The following STK39 variants were observed in gnomAD, a reference collection of about 807,000 sequenced individuals.
STK39 encodes serine/threonine kinase 39, also known as STE20/SPS1-related proline-alanine-rich protein kinase.
In STK39, 20 loss-of-function variants were observed where a neutral mutation model predicts 77.8. That is an observed-to-expected ratio of 0.26 (90% CI 0.18 to 0.37). STK39 has a LOEUF of 0.37. Among genes scored for constraint, STK39 ranks in the 10% least tolerant of loss-of-function variants. The pLI, the probability that STK39 is intolerant of heterozygous loss-of-function variation, is 1.00. For synonymous variants in STK39, 246 were observed against 234.1 expected (o/e 1.05, Z -0.47); for missense variants, 479 against 656.5 (o/e 0.73, Z 2.95).
At chr2:168,095,719 T>C (rs11675461) in intron 10 of STK39, among the ~76,000 whole-genome samples, 148,049 of 150,528 alleles carry the variant, frequency 0.98, 72,837 homozygotes, top group Middle Eastern at 1. Flanking sequence ...CTCCGCCTCC[T>C]GGGTTCACGC....
At chr2:168,028,128 C>T (rs1193800792) in intron 14 of STK39, among the ~76,000 whole-genome samples, 2 of 152,162 alleles carry the variant, frequency 1.3e-5, no homozygotes, top group African/African-American at 2.4e-5. Flanking sequence ...ACCTAAACAA[C>T]CATGGTGGAC....
intron 14 of STK39, among the ~76,000 whole-genome samples, chr2:168,017,537 AT>A (rs1237627793): frequency 3.3e-5 from 5 of 151,716 alleles, no homozygotes; most frequent in Admixed American, 1.3e-4. Context: ...TGTCCGGCTA[AT>A]TTTTTGTATT....
chr2:167,970,779 T>C (rs1292537015), intron 16 of STK39, among the ~76,000 whole-genome samples: 1 of 152,238 alleles, frequency 6.6e-6, no homozygotes, highest in Middle Eastern at 3.2e-3. Flanking sequence ...CAACCAGTCA[T>C]ACACTGCTGA....
chr2:167,991,764 C>T (rs889166705), intron 16 of STK39, among the ~76,000 whole-genome samples: 30 of 152,270 alleles, frequency 2.0e-4, no homozygotes, highest in African/African-American at 6.7e-4. Flanking sequence ...ATGACTTCCC[C>T]TCCCTTAGAG....
chr2:167,970,968 T>G (rs6730927), intron 16 of STK39, among the ~76,000 whole-genome samples: 1 of 151,810 alleles, frequency 6.6e-6, no homozygotes, highest in African/African-American at 2.4e-5. Flanking sequence ...GCCCAATTTG[T>G]GAATCATTCA....
At chr2:168,060,035 G>A (rs767486309) in intron 14 of STK39, among the ~76,000 whole-genome samples, 6 of 151,928 alleles carry the variant, frequency 3.9e-5, no homozygotes, top group African/African-American at 7.3e-5. Context: ...TACCATTTTC[G>A]TTTACTTTAG....
At chr2:168,138,564 G>C (rs1687897382) in intron 7 of STK39, among the ~76,000 whole-genome samples, 1 of 152,208 alleles carries the variant, frequency 6.6e-6, no homozygotes, top group South Asian at 2.1e-4. Flanking sequence ...TGGAGGAGAA[G>C]AGAGAGGGCC....
chr2:168,043,798 T>C (rs1299466691), intron 14 of STK39, among the ~76,000 whole-genome samples: 2 of 152,232 alleles, frequency 1.3e-5, no homozygotes, highest in Non-Finnish European at 2.9e-5. Context: ...GCAGCCTTAT[T>C]ATGTATGCTT....
chr2:168,213,904 T>TA (rs1347829358), intron 1 of STK39, among the ~76,000 whole-genome samples: 1 of 152,174 alleles, frequency 6.6e-6, no homozygotes, highest in Non-Finnish European at 1.5e-5. Flanking sequence ...AGAAACATCC[T>TA]AAAAATCCAT....
intron 1 of STK39, among the ~76,000 whole-genome samples, chr2:168,228,521 C>T (rs1232237734): frequency 2.0e-5 from 3 of 152,126 alleles, no homozygotes; most frequent in Admixed American, 6.6e-5. Context: ...CCAGGATCAG[C>T]GGCTCACACC....
At chr2:168,246,818 C>CG (rs989398264) in intron 1 of STK39, among the ~76,000 whole-genome samples, 2 of 151,976 alleles carry the variant, frequency 1.3e-5, no homozygotes, top group Non-Finnish European at 2.9e-5. Flanking sequence ...AAACCCAGGG[C>CG]GGGGCCCCCG....
chr2:168,110,211 G>A (rs1184295058), intron 10 of STK39, among the ~76,000 whole-genome samples: 1 of 152,002 alleles, frequency 6.6e-6, no homozygotes, highest in Non-Finnish European at 1.5e-5. Context: ...TGTATGCTGT[G>A]AGATTAAAAT....
chr2:168,042,617 G>A (rs1397378815), intron 14 of STK39, among the ~76,000 whole-genome samples: 2 of 133,870 alleles, frequency 1.5e-5, no homozygotes, highest in African/African-American at 5.7e-5. Flanking sequence ...GTCTCGCTCT[G>A]TCACCCAGGC....
intron 1 of STK39, among the ~76,000 whole-genome samples, chr2:168,246,151 T>G (rs1045242576): frequency 6.6e-6 from 1 of 152,140 alleles, no homozygotes; most frequent in Non-Finnish European, 1.5e-5. Context: ...ATCGCTGTAC[T>G]TATATACCAA....
intron 10 of STK39, among the ~76,000 whole-genome samples, chr2:168,092,373 T>A (rs910237274): frequency 1.3e-5 from 2 of 152,224 alleles, no homozygotes; most frequent in African/African-American, 4.8e-5. Flanking sequence ...CCATAAATTC[T>A]ATCTTGTTAA....
intron 16 of STK39, among the ~76,000 whole-genome samples, chr2:167,982,256 A>T (rs1683439130): frequency 6.6e-6 from 1 of 152,174 alleles, no homozygotes; most frequent in South Asian, 2.1e-4. Flanking sequence ...TCTGACACCA[A>T]TGAGCTTTTA....
At chr2:168,071,282 A>C (rs146724329) in intron 12 of STK39, among the ~76,000 whole-genome samples, 302 of 152,262 alleles carry the variant, frequency 2.0e-3, no homozygotes, top group African/African-American at 6.9e-3. Context: ...TGCAGTGCAT[A>C]CCCAATTCAT....
chr2:168,153,908 G>C (rs557696083), intron 5 of STK39, among the ~76,000 whole-genome samples: 313 of 152,270 alleles, frequency 2.1e-3, no homozygotes, highest in Non-Finnish European at 3.6e-3. Flanking sequence ...GCAAGGGGTT[G>C]GAGGGTTTTG....
intron 8 of STK39, among the ~76,000 whole-genome samples, chr2:168,136,318 A>C (rs1269580911): frequency 6.6e-6 from 1 of 151,112 alleles, no homozygotes; most frequent in Non-Finnish European, 1.5e-5. Context: ...GCAGTGAGCC[A>C]AGATCGCGCC....
Sources: gnomAD v4.1 joint callset for allele counts (sites outside exome capture counted in the v4.1 genomes callset) on GRCh38, gnomAD v4.1.1 for gene constraint, MANE v1.5 for transcripts, NCBI Gene and HGNC (gene_info 2026-07-23, HGNC 2026-07-21) for gene names.